The following BTBD1 variants were observed in gnomAD, a reference collection of about 807,000 sequenced individuals.
The protein encoded by BTBD1 is BTB domain containing 1.
A neutral mutation model predicts 48.0 loss-of-function variants in BTBD1; 34 were observed. That is an observed-to-expected ratio of 0.71 (90% CI 0.54 to 0.94). BTBD1 has a LOEUF of 0.94. BTBD1 is among the 40% of genes least tolerant of loss of function. The probability of loss-of-function intolerance (pLI) is 0.00; values close to 1 mark genes in which losing one functional copy is unlikely to be tolerated. For missense variants in BTBD1, 543 were observed against 625.6 expected (o/e 0.87, Z 1.41); for synonymous variants, 261 against 242.1 (o/e 1.08, Z -0.72).
intron 3 of BTBD1, 72 bp from the exon 4 acceptor site, chr15:83,041,997 C>T (rs917972358): frequency 2.3e-6 from 3 of 1,293,642 alleles, no homozygotes; most frequent in South Asian, 1.2e-5. Context: ...CCAACAGACA[C>T]ACTTATATTA....
intron 3 of BTBD1, among the ~76,000 whole-genome samples, chr15:83,047,899 T>G (rs750853230): frequency 1.3e-5 from 2 of 152,318 alleles, no homozygotes; most frequent in Middle Eastern, 3.4e-3. Flanking sequence ...CAAATGGATG[T>G]GGGAAGACAC....
At chr15:83,029,692 T>G (rs2032479385) in intron 5 of BTBD1, 1 of 160,132 alleles carries the variant, frequency 6.2e-6, no homozygotes, top group Non-Finnish European at 1.4e-5. Flanking sequence ...GACAACATGG[T>G]GAAACCCCGT....
intron 4 of BTBD1, among the ~76,000 whole-genome samples, chr15:83,034,982 T>C (rs571697772): frequency 9.2e-5 from 14 of 152,308 alleles, no homozygotes; most frequent in Admixed American, 7.8e-4. Flanking sequence ...TTCTCAAGTA[T>C]ACATGGATAC....
In BTBD1 at chr15:83,050,070, T is replaced by A; in HGVS notation, c.664+3A>T. 4 of 1,584,480 alleles carry A rather than the reference T, an allele frequency of 2.5e-6. No individual in the cohort carries two copies. The highest frequency in any genetic ancestry group is 3.5e-6 in the Non-Finnish European group (4 of 1,154,634). On this transcript the variant is annotated splice_donor_region_variant and intron_variant, in intron 3 of 7. Transcript: ENST00000261721. ...GTAACAATTTACTTCATAGCGAACTTACCTATATCAATATCAGTAAACCCT... is the reference window on the plus strand; with the variant it reads ...GTAACAATTTACTTCATAGCGAACTAACCTATATCAATATCAGTAAACCCT...
intron 5 of BTBD1, chr15:83,022,584 T>C (rs1418420998): frequency 6.6e-6 from 1 of 152,182 alleles, no homozygotes; most frequent in Non-Finnish European, 1.5e-5. Flanking sequence ...GGCAGGAGAA[T>C]TGCTTAGAAC....
chr15:83,023,762 A>G lies in BTBD1; in HGVS notation c.1056-3000T>C, dbSNP rs535559585. ...CTGGAAAGATAACATTTTATACCCC[A>G]TAAGGTATAACGATCATTTTTCTCT... is the stretch of plus-strand genomic sequence containing the variant. On this transcript the variant is annotated intron_variant, in intron 5 of 7. Coordinates refer to ENST00000261721, the MANE Select transcript of BTBD1 (RefSeq NM_025238.4). Among the ~76,000 whole-genome samples, 10 of 152,300 alleles carry G rather than the reference A, an allele frequency of 6.6e-5. No homozygotes were observed. In the South Asian group the frequency reaches 1.9e-3, roughly 28 times the overall value.
At chr15:83,050,277 T>C (rs2032955181) in intron 2 of BTBD1, 99 bp from the exon 3 acceptor site, 1 of 629,394 alleles carries the variant, frequency 1.6e-6, no homozygotes, top group African/African-American at 1.8e-5. Flanking sequence ...TAATTGCTAA[T>C]TATGTAAAAA....
chr15:83,066,455 T>G (rs533719813), intron 1 of BTBD1, among the ~76,000 whole-genome samples: 4 of 152,296 alleles, frequency 2.6e-5, no homozygotes, highest in African/African-American at 7.2e-5. Context: ...CTTGTCTAAT[T>G]CTGAAGTCTG....
intron 2 of BTBD1, among the ~76,000 whole-genome samples, chr15:83,054,633 C>T (rs2033050814): frequency 1.4e-5 from 2 of 147,610 alleles, no homozygotes; most frequent in African/African-American, 5.0e-5. Context: ...GTGATCTATG[C>T]TCACTGCAAA....
intron 4 of BTBD1, among the ~76,000 whole-genome samples, chr15:83,035,695 G>A (rs1015460510): frequency 2.6e-5 from 4 of 151,674 alleles, no homozygotes; most frequent in African/African-American, 9.7e-5. Context: ...CAAATTAAAA[G>A]CAAAGAAAGG....
chr15:83,066,609 G>T (rs1596447318), intron 1 of BTBD1, 142 bp downstream of exon 1: 2 of 886,246 alleles, frequency 2.3e-6, no homozygotes, highest in East Asian at 3.5e-5. Flanking sequence ...TCAACGGCTC[G>T]GGAGGAAACT....
At chr15:83,038,804 G>T (rs1331115496) in intron 4 of BTBD1, among the ~76,000 whole-genome samples, 1 of 152,158 alleles carries the variant, frequency 6.6e-6, no homozygotes, top group Non-Finnish European at 1.5e-5. Flanking sequence ...ATTCAGTAAA[G>T]GGTGCTGGGA....
chr15:83,027,394 T>C (rs1042062437), intron 5 of BTBD1, among the ~76,000 whole-genome samples: 2 of 152,188 alleles, frequency 1.3e-5, no homozygotes, highest in Non-Finnish European at 2.9e-5. Context: ...TATTCTATTT[T>C]CTTTATTCCA....
chr15:83,057,359 G>C (rs1193628181), intron 1 of BTBD1, among the ~76,000 whole-genome samples: 1 of 152,104 alleles, frequency 6.6e-6, no homozygotes. Flanking sequence ...AAAAAGATGA[G>C]AATAAGAGCA....
intron 1 of BTBD1, among the ~76,000 whole-genome samples, chr15:83,064,218 T>A (rs2033223341): frequency 6.6e-6 from 1 of 152,216 alleles, no homozygotes. Flanking sequence ...CAGGCATCTT[T>A]TTGTCACGTA....
chr15:83,048,622 C>A (rs774304153), intron 3 of BTBD1, among the ~76,000 whole-genome samples: 1 of 151,268 alleles, frequency 6.6e-6, no homozygotes, highest in Non-Finnish European at 1.5e-5. Context: ...CTCCACTATC[C>A]AAACACAGTA....
At chr15:83,030,078 A>G in intron 5 of BTBD1, 58 bp downstream of exon 5, 1 of 1,452,192 alleles carries the variant, frequency 6.9e-7, no homozygotes, top group Non-Finnish European at 9.6e-7. Flanking sequence ...TATATAAAAA[A>G]GGCCAAATGG....
At chr15:83,062,033 G>T (rs1440007587) in intron 1 of BTBD1, among the ~76,000 whole-genome samples, 1 of 152,140 alleles carries the variant, frequency 6.6e-6, no homozygotes, top group African/African-American at 2.4e-5. Flanking sequence ...GAGTACAAAG[G>T]TAAGGAGGCC....
At chr15:83,055,948 C>A (rs992652416) in intron 2 of BTBD1, among the ~76,000 whole-genome samples, 8 of 151,922 alleles carry the variant, frequency 5.3e-5, no homozygotes, top group Admixed American at 5.2e-4. Flanking sequence ...CTCTAACATG[C>A]TTTTTTTTGT....
Sources: gnomAD v4.1 joint callset for allele counts (sites outside exome capture counted in the v4.1 genomes callset) on GRCh38, gnomAD v4.1.1 for gene constraint, MANE v1.5 for transcripts, NCBI Gene and HGNC (gene_info 2026-07-23, HGNC 2026-07-21) for gene names.